SLC44A4: variants seen among roughly 807,000 people sequenced by gnomAD.
SLC44A4 encodes the protein solute carrier family 44 member 4.
Under a neutral mutation model 97.0 loss-of-function variants are expected in SLC44A4, and 74 were observed. The ratio of observed to expected loss-of-function variants is 0.76; its 90% CI spans 0.63 to 0.93. The LOEUF (loss-of-function observed/expected upper bound fraction) is 0.93. SLC44A4 is among the 40% of genes least tolerant of loss of function. The probability of loss-of-function intolerance (pLI) is 0.00; values close to 1 mark genes in which losing one functional copy is unlikely to be tolerated. For missense variants in SLC44A4, 799 were observed against 902.9 expected, an observed-to-expected ratio of 0.88 and a Z score of 1.48; for synonymous variants, 325 against 363.8, an observed-to-expected ratio of 0.89 and a Z score of 1.21.
At position 31,875,909 on chromosome 6, in the gene SLC44A4, C is replaced by CG; in HGVS notation, c.184dup (p.Arg62ProfsTer22). Reference sequence around the variant, plus strand: ...AGAGTTCCTGGGGTAGAGGACTTGCCGGGGGTCTCCATACAACCAGGCTGC... The same window carrying CG: ...AGAGTTCCTGGGGTAGAGGACTTGCCGGGGGGTCTCCATACAACCAGGCTGC... On this transcript the variant is annotated frameshift_variant, in exon 4 of 21. Coordinates refer to ENST00000229729, the MANE Select transcript of SLC44A4 (RefSeq NM_025257.3). LOFTEE classifies it high-confidence loss of function. 1 of 1,613,636 alleles carries CG rather than the reference C, an allele frequency of 6.2e-7. No homozygotes were observed. The highest frequency in any genetic ancestry group is 8.5e-7 in the Non-Finnish European group (1 of 1,179,874).
chr6:31,877,611 C>T lies in SLC44A4; in HGVS notation c.41-529G>A. 1.0e-6 allele frequency: 1 copy of T among 987,538 alleles called. No individual in the cohort carries two copies. Among genetic ancestry groups the T allele is most frequent in the Non-Finnish European group, 1.2e-6 (1 of 831,286 alleles). The allele number at this position is 987,538 out of a possible 1,614,324, so 61.2% of individuals were successfully genotyped here. ...AAGAAACTGGAGACAAAGGTGTCAA[C>T]CCCAGCAGGGCCTGGGGAGGGAAGC... On this transcript the variant is annotated intron_variant, in intron 1 of 20. Transcript: ENST00000229729. The surrounding 1 kb of genome is among the most constrained non-coding windows in gnomAD (Gnocchi z 6.5).
intron 7 of SLC44A4, among the ~76,000 whole-genome samples, chr6:31,872,107 C>T (rs1763209266): frequency 6.6e-6 from 1 of 152,210 alleles, no homozygotes; most frequent in South Asian, 2.1e-4. Flanking sequence ...CTCACCTCCT[C>T]CAGGAAGCCT....
At chr6:31,867,256 CTT>C (rs1343065057) in intron 13 of SLC44A4, among the ~76,000 whole-genome samples, 19 of 140,492 alleles carry the variant, frequency 1.4e-4, no homozygotes, top group Non-Finnish European at 1.6e-4. Context: ...ATCAAAAAAT[CTT>C]TTTTTTTTTT....
rs374609494 is a variant in SLC44A4 at position 31,866,132 on chromosome 6, A to G, written c.1234-6T>C. The G allele has an allele frequency of 1.1e-5, 17 of 1,613,622 alleles. No homozygotes were observed. Among genetic ancestry groups the G allele is most frequent in the Non-Finnish European group, 1.4e-5 (17 of 1,179,810 alleles). On this transcript the variant is annotated splice_polypyrimidine_tract_variant and splice_region_variant and intron_variant, in intron 13 of 20. Transcript: ENST00000229729. ...GAGGAGTTCACAAGGTGGGCCTGGG[A>G]GGGTAGACGGGGATAGAGTAGGCTC...
chr6:31,876,030 C>G lies in SLC44A4; in HGVS notation c.163+26G>C. ...GGGTTCCTGTCCCTCACCCACTGCC[C>G]TGGCTCTGAGCAGCTGGAAACTCAC... On this transcript the variant is annotated intron_variant, in intron 3 of 20. Transcript: ENST00000229729. The surrounding 1 kb of genome is among the most constrained non-coding windows in gnomAD (Gnocchi z 4.8). The G allele has an allele frequency of 6.2e-7, 1 of 1,613,942 alleles. No homozygotes were observed. The highest frequency in any genetic ancestry group is 1.1e-5 in the South Asian group (1 of 91,088).
intron 13 of SLC44A4, among the ~76,000 whole-genome samples, chr6:31,867,578 T>C (rs1465574378): frequency 6.6e-6 from 1 of 151,728 alleles, no homozygotes; most frequent in East Asian, 1.9e-4. Context: ...AAAAAAAAAT[T>C]AGCCGGGCAT....
intron 13 of SLC44A4, among the ~76,000 whole-genome samples, chr6:31,868,052 A>C (rs1762956624): frequency 6.6e-6 from 1 of 152,094 alleles, no homozygotes; most frequent in Non-Finnish European, 1.5e-5. Flanking sequence ...TCCTGACCTC[A>C]GGTGATCTGC....
intron 7 of SLC44A4, among the ~76,000 whole-genome samples, chr6:31,871,828 C>A (rs1347657230): frequency 2.0e-5 from 3 of 152,156 alleles, no homozygotes. Context: ...TCCATCCACC[C>A]TCCACCCGAG....
chr6:31,869,878 C>A (rs551433157), intron 11 of SLC44A4, among the ~76,000 whole-genome samples: 1 of 151,822 alleles, frequency 6.6e-6, no homozygotes, highest in Non-Finnish European at 1.5e-5. Context: ...CCAGCTACTC[C>A]GGAGGCTGAG....
intron 13 of SLC44A4, among the ~76,000 whole-genome samples, chr6:31,866,515 G>A (rs576222280): frequency 6.6e-6 from 1 of 152,294 alleles, no homozygotes; most frequent in Non-Finnish European, 1.5e-5. Context: ...CTTTTAAACA[G>A]TTCTTATCTG....
rs150042455 is a variant in SLC44A4 at position 31,864,871 on chromosome 6, C to G, written c.1871G>C (p.Gly624Ala). 1.6e-5 allele frequency: 26 copies of G among 1,613,886 alleles called. No homozygotes were observed. Among genetic ancestry groups the G allele is most frequent in the Non-Finnish European group, 1.8e-5 (21 of 1,180,002 alleles). ...SFFFFSGRIP[G>A]LGKDFKSPHL... The stretch of plus-strand genomic sequence containing the variant: ...GGGGCTCTTAAAGTCTTTACCCAGC[C>G]CCGGGATGCGACCGGAGAAAAAAAA... The change falls in exon 19 of 21, where the codon GGG (glycine) becomes GCG (alanine). Residue 624 changes from glycine to alanine, a missense_variant. This residue lies in a region of SLC44A4 where 379 missense variants were observed against 438.3 expected (regional missense o/e 0.86). Coordinates refer to ENST00000229729, the MANE Select transcript of SLC44A4 (RefSeq NM_025257.3).
Position 31,865,784 on chromosome 6 carries a change from A to G in SLC44A4, c.1488T>C (p.Arg496=). Reference sequence around the variant, plus strand: ...CAAATGCCAATGACCCAGTGTGGTAACTGCAGAGGGTGTTATGCAGTCAGA... The same window carrying G: ...CAAATGCCAATGACCCAGTGTGGTAGCTGCAGAGGGTGTTATGCAGTCAGA... The part of the protein sequence containing the change: ...PLISAFIRTL[R]YHTGSLAFGA... The change falls in exon 15 of 21, where the codon CGT becomes CGC. Residue 496 remains arginine, a splice_region_variant and synonymous_variant. Transcript: ENST00000229729. This position sits in a 1 kb window ranked among gnomAD's most constrained non-coding sequence, Gnocchi z 5.2. 1.2e-6 allele frequency: 2 copies of G among 1,613,888 alleles called. No individual in the cohort carries two copies. Among genetic ancestry groups the G allele is most frequent in the Non-Finnish European group, 8.5e-7 (1 of 1,179,932 alleles).
chr6:31,870,886 G>A lies in SLC44A4; in HGVS notation c.863C>T (p.Ala288Val), dbSNP rs777511100. The part of the protein sequence containing the change: ...EEYRVLRDKG[A>V]SISQLGFTTN... ...GGTGAAACCCAGCTGGGAGATGGAG[G>A]CGCCCTTGTCCCGCAGCACTCGGTA... The change falls in exon 10 of 21, where the codon GCC becomes GTC. Residue 288 changes from alanine to valine, a missense_variant. Around this residue, in one of 3 missense-constraint regions of SLC44A4, gnomAD observed 409 missense variants for 434.1 expected, o/e 0.94. Coordinates refer to ENST00000229729, the MANE Select transcript of SLC44A4 (RefSeq NM_025257.3). The A allele has an allele frequency of 6.2e-7, 1 of 1,613,008 alleles. No homozygotes were observed. Among genetic ancestry groups the A allele is most frequent in the Non-Finnish European group, 8.5e-7 (1 of 1,180,002 alleles).
chr6:31,865,824 C>G lies in SLC44A4; in HGVS notation c.1488-40G>C. ...ATGCAGTCAGAGACAGCTCCAGGACCCCTGGGGCCCCCGTGCCTACAATGA... is the reference window on the plus strand; with the variant it reads ...ATGCAGTCAGAGACAGCTCCAGGACGCCTGGGGCCCCCGTGCCTACAATGA... On this transcript the variant is annotated intron_variant, in intron 14 of 20. Transcript: ENST00000229729. This position sits in a 1 kb window ranked among gnomAD's most constrained non-coding sequence, Gnocchi z 5.2. 1 of 1,613,884 alleles carries G rather than the reference C, an allele frequency of 6.2e-7. No individual in the cohort carries two copies.
chr6:31,866,214 C>T (rs1762865613), intron 13 of SLC44A4, 88 bp from the exon 14 acceptor site: 2 of 1,506,618 alleles, frequency 1.3e-6, no homozygotes, highest in Middle Eastern at 2.3e-4. Flanking sequence ...AGCTCCTGCC[C>T]CTCCCAGAGT....
In SLC44A4 at chr6:31,870,812, G is replaced by C. The variant is rs142048266; in HGVS notation, c.937C>G (p.Leu313Val). The change falls in exon 10 of 21, where the codon CTG becomes GTG. Residue 313 changes from leucine to valine, a missense_variant and splice_region_variant. By Grantham distance (32) the Leu-to-Val change is conservative. This residue lies in a region of SLC44A4 where 409 missense variants were observed against 434.1 expected (regional missense o/e 0.94). Transcript: ENST00000229729. ...GCTTGGGGGTGGGCAGGACACTCAC[G>C]GGCGGCCAGCCAGGTCTCCTGCACG... is the stretch of plus-strand genomic sequence containing the variant. ...QSVQETWLAA[L>V]IVLAVLEAIL... 162 of 1,613,006 alleles carry C rather than the reference G, an allele frequency of 1.0e-4. No individual in the cohort carries two copies. The African/African-American group carries it at 1.9e-3, about 19-fold the overall frequency.
intron 4 of SLC44A4, 73 bp from the exon 5 acceptor site, chr6:31,875,101 G>C: frequency 1.6e-6 from 2 of 1,240,900 alleles, no homozygotes; most frequent in South Asian, 2.5e-5. Context: ...CACTAGGGTG[G>C]CTTCTCAAGA....
At position 31,863,731 on chromosome 6, in the gene SLC44A4, T is replaced by G; in HGVS notation, c.2029A>C (p.Asn677His). The G allele has an allele frequency of 6.2e-7, 1 of 1,612,578 alleles. No individual in the cohort carries two copies. The highest frequency in any genetic ancestry group is 2.2e-5 in the East Asian group (1 of 44,860). ...FLCFLEDLER[N>H]NGSLDRPYYM... The stretch of plus-strand genomic sequence containing the variant: ...TAGGGCCGGTCCAGGGAGCCGTTGT[T>G]CCGCTCCAGGTCTTCCACTGAGCCG... Residue 677 changes from asparagine (N) to histidine (H), a missense_variant, in exon 21 of 21, where the codon AAC becomes CAC. Transcript: ENST00000229729.
chr6:31,864,350 A>G (rs1762718606), intron 20 of SLC44A4: 1 of 502,410 alleles, frequency 2.0e-6, no homozygotes, highest in Non-Finnish European at 3.6e-6. Context: ...TGCTGGCATG[A>G]CAGGCGTGAG....
Sources: allele counts gnomAD v4.1 joint callset (sites outside exome capture counted in the v4.1 genomes callset), GRCh38; gene constraint gnomAD v4.1.1; regional missense constraint gnomAD v4.1.1; non-coding constraint Gnocchi (gnomAD v3.1); transcripts MANE v1.5; gene names NCBI Gene and HGNC (gene_info 2026-07-23, HGNC 2026-07-21).